ECH1: variants seen among roughly 807,000 people sequenced by gnomAD.
ECH1 encodes enoyl-CoA hydratase 1, also known as delta(3,5)-Delta(2,4)-dienoyl-CoA isomerase, mitochondrial.
A neutral mutation model predicts 37.0 loss-of-function variants in ECH1; 30 were observed. That is an observed-to-expected ratio of 0.81 (90% confidence interval 0.61 to 1.10). ECH1 has a LOEUF of 1.10. ECH1 is among the 50% of genes least tolerant of loss of function. ECH1 has a pLI of 0.00. For missense variants in ECH1, 456 were observed against 441.6 expected (o/e 1.03, Z -0.29); for synonymous variants, 178 against 176.0 (o/e 1.01, Z -0.09).
chr19:38,827,113 A>G (rs968568785), intron 3 of ECH1, among the ~76,000 whole-genome samples: 2 of 54,688 alleles, frequency 3.7e-5, no homozygotes, highest in Non-Finnish European at 3.3e-5. Context: ...AAGGGAGGAG[A>G]GGGAGGGAGG....
Position 38,826,324 on chromosome 19 carries a change from C to T in ECH1, c.349+4754G>A, listed in dbSNP as rs147537678. ...ACAATTTGGAAGGGCAAAAAATGCC[C>T]GCCCATTACAAATCAGGTTAAAAGA... On this transcript the variant is annotated intron_variant, in intron 3 of 9. Transcript: ENST00000221418. Among the ~76,000 whole-genome samples the T allele has an allele frequency of 9.2e-3, 1,406 of 152,282 alleles. 17 individuals carry two copies. The highest frequency in any genetic ancestry group is 0.032 in the African/African-American group (1,329 of 41,550).
In ECH1 at chr19:38,831,762, CCCGCCGCCATCG is replaced by C. The variant is rs748563864; in HGVS notation, c.-2_10del. On this transcript the variant is annotated start_lost and 5_prime_UTR_variant, in exon 1 of 10. Coordinates refer to ENST00000221418, the MANE Select transcript of ECH1 (RefSeq NM_001398.3). Reference sequence around the variant, plus strand: ...GCGGAGTCTGCGAGAAGCCACTATCCCCGCCGCCATCGCCGCCGCCTTCGTCTACTGCGTTCG... The same window carrying C: ...GCGGAGTCTGCGAGAAGCCACTATCCCCGCCGCCTTCGTCTACTGCGTTCG... 1 of 1,613,386 alleles carries C rather than the reference CCCGCCGCCATCG, an allele frequency of 6.2e-7. No homozygotes were observed. Among genetic ancestry groups the C allele is most frequent in the East Asian group, 2.2e-5 (1 of 44,870 alleles).
intron 8 of ECH1, 126 bp from the exon 9 acceptor site, chr19:38,816,133 C>T (rs1191268956): frequency 6.8e-7 from 1 of 1,474,726 alleles, no homozygotes; most frequent in Non-Finnish European, 9.1e-7. Flanking sequence ...CCAATCAGAG[C>T]AGGGGGCTGA....
chr19:38,819,345 A>C (rs1029329707), intron 3 of ECH1: 29 of 557,796 alleles, frequency 5.2e-5, no homozygotes, highest in Non-Finnish European at 6.1e-5. Flanking sequence ...GCTATAGCTC[A>C]AAGGTCACCT....
chr19:38,817,559 G>A lies in ECH1; in HGVS notation c.366C>T (p.Asp122=). 6.2e-7 allele frequency: 1 copy of A among 1,607,312 alleles called. No individual in the cohort carries two copies. Among genetic ancestry groups the A allele is most frequent in the Non-Finnish European group, 8.5e-7 (1 of 1,174,658 alleles). Residue 122 remains aspartate (D), a synonymous_variant, in exon 4 of 10, where the codon GAC becomes GAT. Coordinates refer to ENST00000221418, the MANE Select transcript of ECH1 (RefSeq NM_001398.3). ...TGGGCTGCAGGATGTCCGAAGCCAT[G>A]TCCATCAGGTCAATACCTGGTGAGA... is the stretch of plus-strand genomic sequence containing the variant. ...KMFTAGIDLM[D]MASDILQPKG...
At chr19:38,821,547 G>A (rs1020622086) in intron 3 of ECH1, among the ~76,000 whole-genome samples, 3 of 152,202 alleles carry the variant, frequency 2.0e-5, no homozygotes, top group Non-Finnish European at 4.4e-5. Context: ...TCCGGCCAGC[G>A]CAAGTTCCGG....
rs550409701 is a variant in ECH1 at position 38,824,719 on chromosome 19, A to G, written c.349+6359T>C. ...TTTCATGGAGGGAGAATACACAACT[A>G]TGCAAAGCTTACAATTTACATCCCA... On this transcript the variant is annotated intron_variant, in intron 3 of 9. Transcript: ENST00000221418. Among the ~76,000 whole-genome samples the G allele has an allele frequency of 3.3e-5, 5 of 152,288 alleles. No homozygotes were observed. The South Asian group carries it at 1.0e-3, about 32-fold the overall frequency.
At chr19:38,820,463 G>A (rs1164078788) in intron 3 of ECH1, 4 of 152,140 alleles carry the variant, frequency 2.6e-5, no homozygotes, top group Admixed American at 1.3e-4. Context: ...CAAAATCCCA[G>A]CTCTGCCACT....
At chr19:38,816,063 C>A (rs1971570969) in intron 8 of ECH1, 56 bp from the exon 9 acceptor site, 1 of 1,602,496 alleles carries the variant, frequency 6.2e-7, no homozygotes, top group Non-Finnish European at 8.5e-7. Flanking sequence ...CTCCTCCAGC[C>A]TCCCGCAGAT....
At position 38,815,622 on chromosome 19, in the gene ECH1, G is replaced by A; in HGVS notation, c.978C>T (p.Ser326=). Residue 326 remains serine (S), a synonymous_variant, in exon 10 of 10, where the codon TCC becomes TCT. Transcript: ENST00000221418. ...ENKELKTVTF[S]KL is the part of the protein sequence containing the mutation. ...TGGGACGCGAGGGCTCTCAGAGCTT[G>A]GAGAAGGTGACGGTTTTCAGTTCCT... 1 of 1,614,200 alleles carries A rather than the reference G, an allele frequency of 6.2e-7. No individual in the cohort carries two copies. The highest frequency in any genetic ancestry group is 8.5e-7 in the Non-Finnish European group (1 of 1,180,038).
chr19:38,816,543 A>T lies in ECH1; in HGVS notation c.589-20T>A, dbSNP rs1172261751. The T allele has an allele frequency of 1.9e-6, 3 of 1,613,770 alleles. No individual in the cohort carries two copies. Among genetic ancestry groups the T allele is most frequent in the Non-Finnish European group, 2.5e-6 (3 of 1,179,932 alleles). ...CACCTCCTGGGGGAGGAATCGGGTC[A>T]GTGTTTGGTTTCTGCCCAATACTGT... is the stretch of plus-strand genomic sequence containing the variant. On this transcript the variant is annotated intron_variant, in intron 6 of 9. Coordinates refer to ENST00000221418, the MANE Select transcript of ECH1 (RefSeq NM_001398.3).
At chr19:38,826,467 C>G (rs1163151193) in intron 3 of ECH1, among the ~76,000 whole-genome samples, 1 of 152,214 alleles carries the variant, frequency 6.6e-6, no homozygotes, top group Non-Finnish European at 1.5e-5. Context: ...GCAGCAGTCC[C>G]TACAACACCC....
rs750435779 is a variant in ECH1 at position 38,831,168 on chromosome 19, T to C, written c.261-2A>G. The C allele has an allele frequency of 6.2e-7, 1 of 1,614,024 alleles. No individual in the cohort carries two copies. The highest frequency in any genetic ancestry group is 8.5e-7 in the Non-Finnish European group (1 of 1,180,012). On this transcript the variant is annotated splice_acceptor_variant, in intron 2 of 9. Transcript: ENST00000221418. LOFTEE classifies it high-confidence loss of function. ...TTGTTGAAGCACTCTACCATCTCTC[T>C]GTGAAGCAACGAGTGAAGGGTTACA...
At chr19:38,824,349 T>C (rs1971707898) in intron 3 of ECH1, among the ~76,000 whole-genome samples, 1 of 152,184 alleles carries the variant, frequency 6.6e-6, no homozygotes, top group African/African-American at 2.4e-5. Context: ...AGCACAACTA[T>C]TCCGATCAGC....
chr19:38,816,768 G>A (rs1372630065), intron 6 of ECH1, among the ~76,000 whole-genome samples: 1 of 152,018 alleles, frequency 6.6e-6, no homozygotes, highest in Non-Finnish European at 1.5e-5. Context: ...CCATCTGTGA[G>A]AGAGGAACCC....
intron 3 of ECH1, among the ~76,000 whole-genome samples, chr19:38,824,596 A>C (rs1338349633): frequency 1.3e-5 from 2 of 152,088 alleles, no homozygotes; most frequent in Admixed American, 1.3e-4. Context: ...AAAAATGGCC[A>C]CCTGAGGGAA....
intron 3 of ECH1, among the ~76,000 whole-genome samples, chr19:38,818,012 C>T (rs1232925932): frequency 6.6e-6 from 1 of 152,150 alleles, no homozygotes; most frequent in African/African-American, 2.4e-5. Context: ...GCCTCGAACT[C>T]CCAGGTTCAA....
At chr19:38,816,045 AG>A in intron 8 of ECH1, 38 bp from the exon 9 acceptor site, 1 of 1,609,768 alleles carries the variant, frequency 6.2e-7, no homozygotes, top group South Asian at 1.1e-5. Flanking sequence ...TGGGCTGGGA[AG>A]GGCTCTCTCC....
In ECH1 at chr19:38,830,999, C is replaced by T; in HGVS notation, c.349+79G>A. On this transcript the variant is annotated intron_variant, in intron 3 of 9. Coordinates refer to ENST00000221418, the MANE Select transcript of ECH1 (RefSeq NM_001398.3). ...GTGTAAGTCAGAAGCTGCTTAAAAC[C>T]CTAATTCAGAAGCACTGCTCCACTG... is the stretch of plus-strand genomic sequence containing the variant. The T allele has an allele frequency of 5.1e-6, 7 of 1,362,622 alleles. No individual in the cohort carries two copies. The South Asian group carries it at 8.3e-5, about 16-fold the overall frequency. 84.4% of individuals were successfully genotyped at this position (1,362,622 alleles called of 1,614,324 possible). A position where few individuals can be genotyped will look rare whatever the true frequency, so the allele number is the denominator to read the frequency against.
Sources: gnomAD v4.1 joint callset for allele counts (sites outside exome capture counted in the v4.1 genomes callset) on GRCh38, gnomAD v4.1.1 for gene constraint, MANE v1.5 for transcripts, NCBI Gene and HGNC (gene_info 2026-07-23, HGNC 2026-07-21) for gene names.